FSD1L: variants seen among roughly 807,000 people sequenced by gnomAD.
FSD1L encodes the protein fibronectin type III and SPRY domain containing 1 like.
A neutral mutation model predicts 71.6 loss-of-function variants in FSD1L; 45 were observed. That is an observed-to-expected ratio of 0.63 (90% CI 0.49 to 0.81). FSD1L has a LOEUF of 0.81. FSD1L is among the 30% of genes least tolerant of loss of function. The pLI, the probability that FSD1L is intolerant of heterozygous loss-of-function variation, is 0.00. For missense variants in FSD1L, 561 were observed against 618.1 expected, an observed-to-expected ratio of 0.91 and a Z score of 0.98; for synonymous variants, 197 against 207.2, an observed-to-expected ratio of 0.95 and a Z score of 0.42.
At chr9:105,514,048 G>A (rs1054347863) in intron 10 of FSD1L, among the ~76,000 whole-genome samples, 19 of 152,224 alleles carry the variant, frequency 1.2e-4, no homozygotes, top group African/African-American at 4.3e-4. Flanking sequence ...GCAGTTTCAG[G>A]AGCAACAAGG....
chr9:105,526,068 G>T, intron 10 of FSD1L: 1 of 1,510,108 alleles, frequency 6.6e-7, no homozygotes, highest in Admixed American at 1.7e-5. Context: ...AAAATCACAT[G>T]TTCAGTATTC....
At chr9:105,483,537 A>G (rs1439162742) in intron 6 of FSD1L, among the ~76,000 whole-genome samples, 1 of 152,202 alleles carries the variant, frequency 6.6e-6, no homozygotes, top group Non-Finnish European at 1.5e-5. Flanking sequence ...ATACTTGTGG[A>G]AATTTATTGG....
rs1223208958 is a variant in FSD1L at position 105,497,460 on chromosome 9, A to G, written c.587-8939A>G. On this transcript the variant is annotated intron_variant, in intron 7 of 13. Transcript: ENST00000481272. Reference sequence around the variant, plus strand: ...TTAGTGTACTTTTGTCCTGAAAAGTATGGTAGAATTCACCAGTGAACACTT... The same window carrying G: ...TTAGTGTACTTTTGTCCTGAAAAGTGTGGTAGAATTCACCAGTGAACACTT... Among the ~76,000 whole-genome samples, 3 of 152,248 alleles carry G rather than the reference A, an allele frequency of 2.0e-5. No homozygotes were observed. In the East Asian group the frequency reaches 5.8e-4, roughly 29 times the overall value.
chr9:105,493,892 CT>C (rs1833146634), intron 7 of FSD1L, among the ~76,000 whole-genome samples: 1 of 152,212 alleles, frequency 6.6e-6, no homozygotes, highest in Admixed American at 6.5e-5. Context: ...ATGGGCTTCC[CT>C]TTGTGGATAA....
chr9:105,485,396 A>C (rs1832470406), intron 7 of FSD1L, among the ~76,000 whole-genome samples: 1 of 152,156 alleles, frequency 6.6e-6, no homozygotes, highest in South Asian at 2.1e-4. Flanking sequence ...CTTTTGAGAA[A>C]GACATTAATC....
At chr9:105,489,005 T>G (rs1360422065) in intron 7 of FSD1L, among the ~76,000 whole-genome samples, 2 of 152,128 alleles carry the variant, frequency 1.3e-5, no homozygotes, top group Non-Finnish European at 2.9e-5. Context: ...CAATTCCACA[T>G]GTACAATTTT....
intron 7 of FSD1L, among the ~76,000 whole-genome samples, chr9:105,502,449 G>A (rs906413725): frequency 6.6e-6 from 1 of 152,084 alleles, no homozygotes; most frequent in Non-Finnish European, 1.5e-5. Flanking sequence ...TATAGCAGTT[G>A]AGGCTTTAAC....
chr9:105,512,399 T>A (rs961881618), intron 9 of FSD1L, among the ~76,000 whole-genome samples: 47 of 152,140 alleles, frequency 3.1e-4, no homozygotes, highest in African/African-American at 1.1e-3. Context: ...TGCCAGGTTC[T>A]ATAATTTTTT....
chr9:105,519,057 G>GAAGA (rs1834933377), intron 10 of FSD1L, among the ~76,000 whole-genome samples: 1 of 151,740 alleles, frequency 6.6e-6, no homozygotes. Context: ...AGAAAATCTA[G>GAAGA]AATGGATCAA....
intron 9 of FSD1L, among the ~76,000 whole-genome samples, chr9:105,509,526 C>A (rs1381957919): frequency 3.9e-5 from 6 of 152,202 alleles, no homozygotes; most frequent in Admixed American, 3.9e-4. Context: ...AGACTCTACA[C>A]ATTCTTGTAG....
chr9:105,524,137 G>A (rs949395426), intron 10 of FSD1L: 4 of 1,612,204 alleles, frequency 2.5e-6, no homozygotes, highest in Admixed American at 1.7e-5. Flanking sequence ...GTAGCACTTT[G>A]TAGTTTAGGT....
intron 7 of FSD1L, among the ~76,000 whole-genome samples, chr9:105,500,188 A>T (rs1014404406): frequency 6.6e-6 from 1 of 152,022 alleles, no homozygotes; most frequent in African/African-American, 2.4e-5. Flanking sequence ...GCCATATCTG[A>T]GTCTTGTAAT....
intron 9 of FSD1L, among the ~76,000 whole-genome samples, chr9:105,512,229 T>C (rs11431378): frequency 0.68 from 102,830 of 151,268 alleles, 35,284 homozygotes; most frequent in African/African-American, 0.76. Flanking sequence ...TTTATGTGGT[T>C]CTTTTCCCTC....
At chr9:105,498,223 A>ATTGTTGTTG (rs1554708797) in intron 7 of FSD1L, among the ~76,000 whole-genome samples, 13 of 147,168 alleles carry the variant, frequency 8.8e-5, no homozygotes, top group African/African-American at 3.0e-4. Context: ...TATTATTATT[A>ATTGTTGTTG]TTGTTTTTAG....
In FSD1L at chr9:105,534,942, A is replaced by G. The variant is rs1836169927; in HGVS notation, c.1127-125A>G. On this transcript the variant is annotated intron_variant, in intron 11 of 13. Coordinates refer to ENST00000481272, the MANE Select transcript of FSD1L (RefSeq NM_001145313.3). ...CATTTAATGTCTGTGTGTTAACATG[A>G]TTATTCTTATAGGAAAAGTACTTGA... 9.3e-6 allele frequency: 8 copies of G among 860,098 alleles called. No individual in the cohort carries two copies. The South Asian group carries it at 1.1e-4, about 12-fold the overall frequency. The allele number at this position is 860,098 out of a possible 1,614,324, so 53.3% of individuals were successfully genotyped here. A position where few individuals can be genotyped will look rare whatever the true frequency, so the allele number is the denominator to read the frequency against.
At chr9:105,499,323 T>A (rs1037708543) in intron 7 of FSD1L, among the ~76,000 whole-genome samples, 24 of 152,240 alleles carry the variant, frequency 1.6e-4, no homozygotes, top group African/African-American at 5.8e-4. Context: ...GAATTAACTG[T>A]TACTGGTTAG....
intron 1 of FSD1L, among the ~76,000 whole-genome samples, chr9:105,450,170 A>G (rs948838936): frequency 1.3e-5 from 2 of 152,216 alleles, no homozygotes; most frequent in African/African-American, 4.8e-5. Context: ...GTAATGATCT[A>G]AGCTGGATAT....
chr9:105,492,080 T>C (rs370527772), intron 7 of FSD1L, among the ~76,000 whole-genome samples: 5 of 151,964 alleles, frequency 3.3e-5, no homozygotes, highest in Admixed American at 6.6e-5. Flanking sequence ...ATGGTACCAG[T>C]TCCTCCTTGT....
At chr9:105,476,772 G>GA (rs544250501) in intron 5 of FSD1L, among the ~76,000 whole-genome samples, 5 of 151,332 alleles carry the variant, frequency 3.3e-5, no homozygotes, top group African/African-American at 4.9e-5. Flanking sequence ...GAGAATTCTA[G>GA]AAAAAAAAAT....
Sources: allele counts gnomAD v4.1 joint callset (sites outside exome capture counted in the v4.1 genomes callset), GRCh38; gene constraint gnomAD v4.1.1; transcripts MANE v1.5; gene names NCBI Gene and HGNC (gene_info 2026-07-23, HGNC 2026-07-21).